The following SCFD2 variants were observed in gnomAD, a reference collection of about 807,000 sequenced individuals.
SCFD2 encodes sec1 family domain-containing protein 2.
Under a neutral mutation model 58.9 loss-of-function variants are expected in SCFD2, and 54 were observed. The observed-to-expected ratio is 0.92, with a 90% CI of 0.74 to 1.15. The LOEUF (loss-of-function observed/expected upper bound fraction) is 1.15. SCFD2 is among the 50% of genes most tolerant of loss of function. The pLI is 0.00. For synonymous variants in SCFD2, 321 were observed against 335.9 expected, an observed-to-expected ratio of 0.96 and a Z score of 0.49; for missense variants, 805 against 836.6, an observed-to-expected ratio of 0.96 and a Z score of 0.47.
chr4:53,351,681 G>C (rs1734223540), intron 2 of SCFD2, among the ~76,000 whole-genome samples: 1 of 152,050 alleles, frequency 6.6e-6, no homozygotes, highest in Non-Finnish European at 1.5e-5. Context: ...TGCTTTTATT[G>C]TATGTGTAAA....
chr4:53,023,013 T>C (rs575893827), intron 5 of SCFD2, among the ~76,000 whole-genome samples: 1 of 152,204 alleles, frequency 6.6e-6, no homozygotes, highest in East Asian at 1.9e-4. Context: ...AAGAGCCACA[T>C]TAAACCTCTT....
At chr4:53,353,279 G>C (rs1171359422) in intron 1 of SCFD2, among the ~76,000 whole-genome samples, 1 of 151,880 alleles carries the variant, frequency 6.6e-6, no homozygotes, top group Admixed American at 6.6e-5. Context: ...TCTCCTCTGG[G>C]GTTGTTCATC....
Position 53,352,595 on chromosome 4 carries a change from T to G in SCFD2, c.1007+3A>C, listed in dbSNP as rs753052444. ...ATAAGATGACAAAAACTATATATCT[T>G]ACCTGGATTGTGAAAGACAGCCTGG... On this transcript the variant is annotated splice_donor_region_variant and intron_variant, in intron 2 of 8. Coordinates refer to ENST00000401642, the MANE Select transcript of SCFD2 (RefSeq NM_152540.4). 6.2e-7 allele frequency: 1 copy of G among 1,611,218 alleles called. No homozygotes were observed. Among genetic ancestry groups the G allele is most frequent in the Non-Finnish European group, 8.5e-7 (1 of 1,177,604 alleles).
chr4:53,147,786 A>C (rs898226137), intron 4 of SCFD2, among the ~76,000 whole-genome samples: 1 of 152,216 alleles, frequency 6.6e-6, no homozygotes, highest in African/African-American at 2.4e-5. Context: ...TGAGTTTTTT[A>C]AAAATTGCAA....
intron 3 of SCFD2, among the ~76,000 whole-genome samples, chr4:53,281,142 T>C (rs1731495757): frequency 6.6e-6 from 1 of 152,232 alleles, no homozygotes; most frequent in Non-Finnish European, 1.5e-5. Flanking sequence ...CCTCAACTCG[T>C]CTTATACCTT....
intron 5 of SCFD2, among the ~76,000 whole-genome samples, chr4:52,983,233 G>A (rs767475296): frequency 2.0e-5 from 3 of 152,114 alleles, no homozygotes; most frequent in Non-Finnish European, 2.9e-5. Context: ...CAAATTCAGC[G>A]TTCAATGTAT....
intron 2 of SCFD2, among the ~76,000 whole-genome samples, chr4:53,336,520 ATTAT>A (rs1308736738): frequency 1.3e-5 from 2 of 150,764 alleles, no homozygotes; most frequent in Non-Finnish European, 3.0e-5. Context: ...TTCTTCCTTT[ATTAT>A]TTATTTATTT....
At chr4:53,009,896 G>A (rs1282218521) in intron 5 of SCFD2, among the ~76,000 whole-genome samples, 1 of 152,166 alleles carries the variant, frequency 6.6e-6, no homozygotes, top group Non-Finnish European at 1.5e-5. Flanking sequence ...CCTTCAGTCT[G>A]GTTTCCTGTA....
At chr4:53,029,769 T>C (rs1037755215) in intron 5 of SCFD2, among the ~76,000 whole-genome samples, 1 of 152,218 alleles carries the variant, frequency 6.6e-6, no homozygotes, top group Non-Finnish European at 1.5e-5. Context: ...GCAACTACCA[T>C]CTGTAATCCA....
At chr4:52,930,215 T>C (rs1719958019) in intron 5 of SCFD2, among the ~76,000 whole-genome samples, 1 of 151,964 alleles carries the variant, frequency 6.6e-6, no homozygotes, top group African/African-American at 2.4e-5. Flanking sequence ...TCTACAACCA[T>C]CTGATCCAAA....
chr4:53,142,768 A>G (rs1726208195), intron 5 of SCFD2, among the ~76,000 whole-genome samples: 1 of 152,220 alleles, frequency 6.6e-6, no homozygotes, highest in Non-Finnish European at 1.5e-5. Context: ...CAACATACTT[A>G]GTAAGAGGTA....
At chr4:52,978,152 G>A (rs1721294319) in intron 5 of SCFD2, among the ~76,000 whole-genome samples, 2 of 152,306 alleles carry the variant, frequency 1.3e-5, no homozygotes, top group Non-Finnish European at 2.9e-5. Context: ...GAATTGTGGA[G>A]AGGGCAGCAG....
intron 5 of SCFD2, among the ~76,000 whole-genome samples, chr4:53,071,648 A>G (rs1299461928): frequency 6.6e-6 from 1 of 152,102 alleles, no homozygotes; most frequent in African/African-American, 2.4e-5. Flanking sequence ...AGTAAAAATT[A>G]TAACCAATGT....
chr4:52,887,215 C>T (rs147835819), intron 7 of SCFD2, among the ~76,000 whole-genome samples: 56 of 152,304 alleles, frequency 3.7e-4, no homozygotes, highest in Admixed American at 7.8e-4. Flanking sequence ...AGGGCCCATC[C>T]TCAAGGTGCT....
At chr4:53,236,200 G>T (rs1440714047) in intron 4 of SCFD2, among the ~76,000 whole-genome samples, 1 of 151,984 alleles carries the variant, frequency 6.6e-6, no homozygotes, top group African/African-American at 2.4e-5. Context: ...AATAGAGACG[G>T]GCCTAGCCTC....
At chr4:53,282,774 A>C (rs1419931970) in intron 3 of SCFD2, among the ~76,000 whole-genome samples, 2 of 152,156 alleles carry the variant, frequency 1.3e-5, no homozygotes, top group Non-Finnish European at 2.9e-5. Context: ...CAATAATTGA[A>C]CTCTGTTTTT....
chr4:53,007,947 A>G (rs571282404), intron 5 of SCFD2, among the ~76,000 whole-genome samples: 52 of 152,352 alleles, frequency 3.4e-4, no homozygotes, highest in African/African-American at 1.3e-3. Flanking sequence ...GATGAACATG[A>G]GCTGGGCTCT....
At chr4:53,149,855 C>G (rs911782630) in intron 4 of SCFD2, among the ~76,000 whole-genome samples, 1 of 152,074 alleles carries the variant, frequency 6.6e-6, no homozygotes, top group African/African-American at 2.4e-5. Context: ...CTGGCCAGTA[C>G]TCCAAATTAT....
intron 5 of SCFD2, among the ~76,000 whole-genome samples, chr4:52,974,901 C>G (rs1283048380): frequency 3.9e-5 from 6 of 151,994 alleles, no homozygotes; most frequent in African/African-American, 4.8e-5. Flanking sequence ...ACAAACCTGA[C>G]AAAAACAAGA....
Sources: gnomAD v4.1 joint callset for allele counts (sites outside exome capture counted in the v4.1 genomes callset) on GRCh38, gnomAD v4.1.1 for gene constraint, MANE v1.5 for transcripts, NCBI Gene and HGNC (gene_info 2026-07-23, HGNC 2026-07-21) for gene names.